The following DMD variants were observed in gnomAD, a reference collection of about 807,000 sequenced individuals.
The protein encoded by DMD is dystrophin.
A neutral mutation model predicts 330.1 loss-of-function variants in DMD; 63 were observed. The ratio of observed to expected loss-of-function variants is 0.19; its 90% CI spans 0.16 to 0.24. The LOEUF (loss-of-function observed/expected upper bound fraction) is 0.24, where lower values mean the gene tolerates loss of function less well. Among genes scored for constraint, DMD ranks in the 10% least tolerant of loss-of-function variants. The probability of loss-of-function intolerance (pLI) is 1.00; values close to 1 mark genes in which losing one functional copy is unlikely to be tolerated. For missense variants in DMD, 3,344 were observed against 2,684.1 expected, an observed-to-expected ratio of 1.25 and a Z score of -5.43; for synonymous variants, 1,223 against 959.8, an observed-to-expected ratio of 1.27 and a Z score of -5.07.
chrX:32,068,975 A>T (rs16998260), intron 44 of DMD, among the ~76,000 whole-genome samples: 3 of 111,186 alleles, frequency 2.7e-5, no homozygotes, highest in Admixed American at 9.6e-5. Flanking sequence ...GAGACATTTT[A>T]GTCATTTGGC....
intron 1 of DMD, among the ~76,000 whole-genome samples, chrX:33,118,151 C>T (rs770715065): frequency 2.9e-4 from 30 of 102,663 alleles, no homozygotes; most frequent in Non-Finnish European, 4.7e-4. Flanking sequence ...CGCTCTGTCG[C>T]CCAGGCTGGA....
chrX:31,404,646 T>C (rs1602520014), intron 60 of DMD, among the ~76,000 whole-genome samples: 1 of 111,988 alleles, frequency 8.9e-6, no homozygotes, highest in African/African-American at 3.2e-5. Context: ...CATTTTTAAA[T>C]TTGTGATTTC....
At chrX:31,508,176 T>C (rs1453976479) in intron 55 of DMD, 1 of 1,126,938 alleles carries the variant, frequency 8.9e-7, no homozygotes, top group South Asian at 1.9e-5. Context: ...TACACACAGA[T>C]CAAGAAAATT....
At chrX:32,747,935 A>T (rs1269276306) in intron 7 of DMD, among the ~76,000 whole-genome samples, 1 of 112,381 alleles carries the variant, frequency 8.9e-6, no homozygotes, top group Admixed American at 9.5e-5. Flanking sequence ...AATAACTTTT[A>T]ATAATAGTAA....
chrX:32,251,397 G>T (rs6631524), intron 43 of DMD, among the ~76,000 whole-genome samples: 6,849 of 110,230 alleles, frequency 0.062, 475 homozygotes, highest in East Asian at 0.33. Flanking sequence ...AATCTAGAAA[G>T]GTCTCCACCT....
At chrX:31,195,875 GAAGA>G (rs1378656908) in intron 67 of DMD, among the ~76,000 whole-genome samples, 1 of 110,536 alleles carries the variant, frequency 9.0e-6, no homozygotes, top group African/African-American at 3.3e-5. Flanking sequence ...AGGAAGGAAG[GAAGA>G]AAGAAAGATT....
At chrX:32,302,501 A>G (rs2148544689) in intron 42 of DMD, among the ~76,000 whole-genome samples, 1 of 111,476 alleles carries the variant, frequency 9.0e-6, no homozygotes, top group East Asian at 2.8e-4. Flanking sequence ...GCTTGTATGT[A>G]TTCTCTTATT....
chrX:31,920,867 TG>T (rs1272098412), intron 47 of DMD, among the ~76,000 whole-genome samples: 1 of 112,495 alleles, frequency 8.9e-6, no homozygotes, highest in Non-Finnish European at 1.9e-5. Context: ...ATTTTCAGTA[TG>T]TAGATAGTGG....
intron 9 of DMD, among the ~76,000 whole-genome samples, chrX:32,693,191 G>A (rs2063407159): frequency 8.9e-6 from 1 of 111,770 alleles, no homozygotes; most frequent in East Asian, 2.8e-4. Flanking sequence ...GCTAGAAAAG[G>A]CATGGAAATG....
intron 44 of DMD, among the ~76,000 whole-genome samples, chrX:32,069,982 T>G (rs1258817224): frequency 9.0e-6 from 1 of 111,336 alleles, no homozygotes; most frequent in Non-Finnish European, 1.9e-5. Context: ...GCTAATTAGG[T>G]GCTATTGGTT....
chrX:32,440,207 C>A (rs1197673574), intron 28 of DMD, among the ~76,000 whole-genome samples: 1 of 111,835 alleles, frequency 8.9e-6, no homozygotes, highest in African/African-American at 3.2e-5. Flanking sequence ...TGCTGATTCA[C>A]AAGAAATGTT....
chrX:32,606,975 G>A (rs111438038), intron 12 of DMD, among the ~76,000 whole-genome samples: 112 of 109,114 alleles, frequency 1.0e-3, no homozygotes, highest in African/African-American at 3.3e-3. Context: ...AATATAAACT[G>A]GAAACTACAA....
At chrX:32,165,573 C>T (rs2043966900) in intron 44 of DMD, among the ~76,000 whole-genome samples, 1 of 112,337 alleles carries the variant, frequency 8.9e-6, no homozygotes, top group African/African-American at 3.2e-5. Context: ...CTTGCCTTGT[C>T]TCAGATGAGA....
chrX:32,811,449 G>A (rs775039925), intron 6 of DMD, among the ~76,000 whole-genome samples: 322 of 111,375 alleles, frequency 2.9e-3, no homozygotes, highest in Non-Finnish European at 4.4e-3. Context: ...ACTATTTAAC[G>A]TATTATATAA....
At chrX:31,284,109 T>G (rs917191179) in intron 62 of DMD, among the ~76,000 whole-genome samples, 2 of 112,323 alleles carry the variant, frequency 1.8e-5, no homozygotes, top group African/African-American at 6.5e-5. Context: ...TATTTTATAC[T>G]AAAGCATTGA....
At chrX:32,149,440 G>A (rs139430003) in intron 44 of DMD, among the ~76,000 whole-genome samples, 1,946 of 112,019 alleles carry the variant, frequency 0.017, 48 homozygotes, top group African/African-American at 0.06. Flanking sequence ...TACTCTATGA[G>A]ATAAGTAGCA....
chrX:31,525,943 T>C (rs987590492), intron 55 of DMD, among the ~76,000 whole-genome samples: 1 of 112,317 alleles, frequency 8.9e-6, no homozygotes, highest in Non-Finnish European at 1.9e-5. Context: ...CCATTCTCAG[T>C]AGAACTGTTT....
intron 44 of DMD, among the ~76,000 whole-genome samples, chrX:32,082,430 A>ATCTATCTG (rs2096400648): frequency 9.2e-6 from 1 of 108,183 alleles, no homozygotes; most frequent in Non-Finnish European, 1.9e-5. Flanking sequence ...CTATCTATCT[A>ATCTATCTG]TCTATCTATT....
At chrX:31,201,377 C>G (rs778037394) in intron 67 of DMD, among the ~76,000 whole-genome samples, 6 of 112,308 alleles carry the variant, frequency 5.3e-5, no homozygotes, top group African/African-American at 1.3e-4. Context: ...CTTCTGAAAA[C>G]AAAACAAAAC....
Sources: gnomAD v4.1 joint callset for allele counts (sites outside exome capture counted in the v4.1 genomes callset) on GRCh38, gnomAD v4.1.1 for gene constraint, MANE v1.5 for transcripts, NCBI Gene and HGNC (gene_info 2026-07-23, HGNC 2026-07-21) for gene names.